Variants in PCDHA7 observed in about 807,000 individuals in gnomAD.
The protein encoded by PCDHA7 is protocadherin alpha-7.
In PCDHA7, 37 loss-of-function variants were observed where a neutral mutation model predicts 57.2. That is an observed-to-expected ratio of 0.65 (90% confidence interval 0.50 to 0.85). PCDHA7 has a LOEUF of 0.85. Among genes scored for constraint, PCDHA7 ranks in the 40% least tolerant of loss-of-function variants. The pLI, the probability that PCDHA7 is intolerant of heterozygous loss-of-function variation, is 0.00. For missense variants in PCDHA7, 1,188 were observed against 1,241.8 expected, an observed-to-expected ratio of 0.96 and a Z score of 0.65; for synonymous variants, 553 against 558.8, an observed-to-expected ratio of 0.99 and a Z score of 0.15.
intron 1 of PCDHA7, chr5:140,875,321 TC>T: frequency 1.4e-6 from 2 of 1,427,980 alleles, no homozygotes; most frequent in Non-Finnish European, 1.8e-6. Context: ...TTCCAATCAT[TC>T]ACGGAATAGG....
chr5:140,922,652 T>C (rs371970165), intron 1 of PCDHA7, among the ~76,000 whole-genome samples: 4 of 152,156 alleles, frequency 2.6e-5, no homozygotes, highest in African/African-American at 9.7e-5. Context: ...ACAGTAAATA[T>C]GGCTATACTG....
At chr5:140,851,107 T>C in intron 1 of PCDHA7, 2 of 1,299,568 alleles carry the variant, frequency 1.5e-6, no homozygotes, top group Non-Finnish European at 2.0e-6. Context: ...TTTTGGGTGC[T>C]GAATCAATTT....
chr5:140,929,557 A>G (rs782792383), intron 1 of PCDHA7: 64 of 478,142 alleles, frequency 1.3e-4, no homozygotes, highest in Non-Finnish European at 1.9e-4. Flanking sequence ...ATTAAAACCT[A>G]TTTAAGAACA....
chr5:140,895,786 A>G (rs2065159984), intron 1 of PCDHA7, among the ~76,000 whole-genome samples: 2 of 152,080 alleles, frequency 1.3e-5, no homozygotes, highest in Non-Finnish European at 2.9e-5. Context: ...GTATTCAATG[A>G]CGTATATGTA....
chr5:140,849,583 C>T (rs2040974619), intron 1 of PCDHA7: 4 of 1,598,684 alleles, frequency 2.5e-6, no homozygotes, highest in Non-Finnish European at 3.4e-6. Flanking sequence ...AAAGAGGACG[C>T]ACAACTGGGG....
At chr5:140,913,749 G>T (rs1166280044) in intron 1 of PCDHA7, among the ~76,000 whole-genome samples, 22 of 152,098 alleles carry the variant, frequency 1.4e-4, no homozygotes, top group Middle Eastern at 3.4e-3. Context: ...TCCTTTTGTT[G>T]TATCTCATAG....
chr5:140,933,865 A>G (rs918877939), intron 1 of PCDHA7, among the ~76,000 whole-genome samples: 14 of 151,864 alleles, frequency 9.2e-5, no homozygotes, highest in African/African-American at 1.4e-4. Flanking sequence ...TTTTTCAGAT[A>G]TATGTTAGTT....
Position 140,848,772 on chromosome 5 carries a change from G to A in PCDHA7, c.2355+12034G>A, listed in dbSNP as rs2150420106. ...GTTTGTGAATTCTCGGATCGACCGCGAGGAGCTGTGCGGGCGGAGCGCGGA... is the reference window on the plus strand; with the variant it reads ...GTTTGTGAATTCTCGGATCGACCGCAAGGAGCTGTGCGGGCGGAGCGCGGA... On this transcript the variant is annotated intron_variant, in intron 1 of 3. Coordinates refer to ENST00000525929, the MANE Select transcript of PCDHA7 (RefSeq NM_018910.3). 12 of 1,593,594 alleles carry A rather than the reference G, an allele frequency of 7.5e-6. 2 individuals carry two copies. Among genetic ancestry groups the A allele is most frequent in the Non-Finnish European group, 1.0e-5 (12 of 1,164,190 alleles).
At chr5:140,967,481 G>C (rs1554229603) in intron 1 of PCDHA7, 2 of 1,613,426 alleles carry the variant, frequency 1.2e-6, no homozygotes, top group Admixed American at 1.7e-5. Flanking sequence ...AGCCCGCTCG[G>C]GTACGGCACA....
chr5:140,925,402 T>C (rs1379767028), intron 1 of PCDHA7, among the ~76,000 whole-genome samples: 1 of 152,110 alleles, frequency 6.6e-6, no homozygotes, highest in Non-Finnish European at 1.5e-5. Context: ...CTCGCCTCCT[T>C]CTTAGGGAAA....
intron 1 of PCDHA7, among the ~76,000 whole-genome samples, chr5:140,922,126 G>A (rs1206223275): frequency 1.3e-5 from 2 of 151,970 alleles, no homozygotes; most frequent in Non-Finnish European, 2.9e-5. Flanking sequence ...ACCTTTAAAT[G>A]TCTCTTATCC....
At chr5:140,869,188 G>A (rs200563745) in intron 1 of PCDHA7, 5 of 1,613,828 alleles carry the variant, frequency 3.1e-6, no homozygotes, top group African/African-American at 2.7e-5. Context: ...GGTGGGGAGC[G>A]GCCAGCTCCA....
At chr5:140,917,339 A>T (rs1199530347) in intron 1 of PCDHA7, among the ~76,000 whole-genome samples, 36 of 112,892 alleles carry the variant, frequency 3.2e-4, no homozygotes, top group East Asian at 2.4e-3. Context: ...GAGGGGGGGG[A>T]TGGTGTAGGC....
chr5:140,899,005 G>A (rs1220603725), intron 1 of PCDHA7, among the ~76,000 whole-genome samples: 1 of 151,848 alleles, frequency 6.6e-6, no homozygotes, highest in Non-Finnish European at 1.5e-5. Context: ...TGTTATTGGT[G>A]TATAAGAATG....
chr5:140,962,046 G>A (rs2095653396), intron 1 of PCDHA7, among the ~76,000 whole-genome samples: 1 of 151,964 alleles, frequency 6.6e-6, no homozygotes, highest in African/African-American at 2.4e-5. Flanking sequence ...ACCATGCCTG[G>A]CTAATTTTTT....
chr5:140,948,573 G>A (rs892818051), intron 1 of PCDHA7, among the ~76,000 whole-genome samples: 1 of 151,448 alleles, frequency 6.6e-6, no homozygotes, highest in Non-Finnish European at 1.5e-5. Flanking sequence ...ATTTTTTAAA[G>A]GATTTGTCAG....
chr5:140,956,644 C>G (rs2095298403), intron 1 of PCDHA7, among the ~76,000 whole-genome samples: 1 of 152,096 alleles, frequency 6.6e-6, no homozygotes, highest in Non-Finnish European at 1.5e-5. Flanking sequence ...GTTTTGGTAT[C>G]AGGATGATGC....
In PCDHA7 at chr5:140,944,191, G is replaced by T. The variant is rs181232402; in HGVS notation, c.2356-34758G>T. The stretch of plus-strand genomic sequence containing the variant: ...GGCTGGTTTTTTGTTGGTTTGTTTT[G>T]TTTTGTTTTGTTTTTAAAGAGGGTT... On this transcript the variant is annotated intron_variant, in intron 1 of 3. Coordinates refer to ENST00000525929, the MANE Select transcript of PCDHA7 (RefSeq NM_018910.3). 9.2e-5 allele frequency among the ~76,000 whole-genome samples: 14 copies of T among 152,098 alleles called. No individual in the cohort carries two copies. The East Asian group carries it at 2.5e-3, about 27-fold the overall frequency.
intron 3 of PCDHA7, among the ~76,000 whole-genome samples, chr5:140,997,614 A>G (rs1355709943): frequency 6.6e-6 from 1 of 152,148 alleles, no homozygotes; most frequent in Admixed American, 6.6e-5. Context: ...GCATGACTAT[A>G]TAGAGATTTT....
Sources: allele counts gnomAD v4.1 joint callset (sites outside exome capture counted in the v4.1 genomes callset), GRCh38; gene constraint gnomAD v4.1.1; transcripts MANE v1.5; gene names NCBI Gene and HGNC (gene_info 2026-07-23, HGNC 2026-07-21).